Variants in PC observed in about 807,000 individuals in gnomAD.
PC encodes the protein pyruvate carboxylase.
In PC, 46 loss-of-function variants were observed where a neutral mutation model predicts 107.8. The ratio of observed to expected loss-of-function variants is 0.43; its 90% confidence interval spans 0.34 to 0.55. The LOEUF is 0.55. Among genes scored for constraint, PC ranks in the 20% least tolerant of loss-of-function variants. PC has a pLI of 0.04. For missense variants in PC, 1,241 were observed against 1,643.1 expected, an observed-to-expected ratio of 0.76 and a Z score of 4.23; for synonymous variants, 662 against 684.7, an observed-to-expected ratio of 0.97 and a Z score of 0.52.
At chr11:66,869,844 A>G (rs1262171150) in intron 9 of PC, among the ~76,000 whole-genome samples, 1 of 152,218 alleles carries the variant, frequency 6.6e-6, no homozygotes, top group Non-Finnish European at 1.5e-5. Context: ...GGTCCCAGAA[A>G]AGCAGAGATG....
At chr11:66,899,149 G>C (rs1947863331) in intron 3 of PC, among the ~76,000 whole-genome samples, 1 of 152,012 alleles carries the variant, frequency 6.6e-6, no homozygotes, top group East Asian at 1.9e-4. Flanking sequence ...GGATTACAGG[G>C]GTGAGCCACC....
At position 66,858,155 on chromosome 11, in the gene PC, G is replaced by C. The variant is rs138102608; in HGVS notation, c.1369-4772C>G. 94 of 1,610,614 alleles carry C rather than the reference G, an allele frequency of 5.8e-5. 4 individuals carry two copies. The Admixed American group carries it at 1.4e-3, about 24-fold the overall frequency. On this transcript the variant is annotated intron_variant, in intron 12 of 22. Transcript: ENST00000393960. The surrounding 1 kb of genome is among the most constrained non-coding windows in gnomAD (Gnocchi z 5.9). ...GCAACCAGCTGGGCCGCATCGCGCC[G>C]GGAGCCTTCGACGACTTCCTAGAGA...
Position 66,871,768 on chromosome 11 carries a change from T to C in PC, c.240A>G (p.Ala80=). The C allele has an allele frequency of 6.2e-7, 1 of 1,600,934 alleles. No homozygotes were observed. The highest frequency in any genetic ancestry group is 8.5e-7 in the Non-Finnish European group (1 of 1,174,620). The change falls in exon 5 of 23, where the codon GCA becomes GCG. Residue 80 remains alanine, a synonymous_variant. Transcript: ENST00000393960. This position sits in a 1 kb window ranked among gnomAD's most constrained non-coding sequence, Gnocchi z 7.4. The stretch of plus-strand genomic sequence containing the variant: ...CGCGGCCGATGAGATAGGCTTCATC[T>C]GCTTTCTGCCGGTGCATCTGGCCCG... ...QDTGQMHRQK[A]DEAYLIGRGL...
At chr11:66,934,494 T>C (rs1591300937) in intron 3 of PC, 2 of 154,194 alleles carry the variant, frequency 1.3e-5, no homozygotes, top group East Asian at 3.9e-4. Context: ...GCCCTCATTT[T>C]ATAGATGAGG....
intron 3 of PC, among the ~76,000 whole-genome samples, chr11:66,877,386 A>AAAAAT (rs1555030529): frequency 6.6e-6 from 1 of 152,128 alleles, no homozygotes; most frequent in Non-Finnish European, 1.5e-5. Context: ...ACTCCATCTC[A>AAAAAT]AAAACAAAAC....
At chr11:66,951,901 GA>G (rs961475924) in intron 3 of PC, among the ~76,000 whole-genome samples, 18 of 144,436 alleles carry the variant, frequency 1.2e-4, no homozygotes, top group African/African-American at 2.3e-4. Flanking sequence ...AAAAAAAAAA[GA>G]AAAAAAAAAA....
chr11:66,852,400 G>A lies in PC; in HGVS notation c.1825+39C>T, dbSNP rs73489731. 250 of 1,521,742 alleles carry A rather than the reference G, an allele frequency of 1.6e-4. No homozygotes were observed. The African/African-American group carries it at 2.4e-3, about 15-fold the overall frequency. The allele number at this position is 1,521,742 out of a possible 1,614,324, so 94.3% of individuals were successfully genotyped here. The stretch of plus-strand genomic sequence containing the variant: ...CTGTGGGACTGGCCACAGAGCGGGC[G>A]CCCATTCCTACCAGGCGCTGCGCAG... On this transcript the variant is annotated intron_variant, in intron 15 of 22. Coordinates refer to ENST00000393960, the MANE Select transcript of PC (RefSeq NM_001040716.2). The surrounding 1 kb of genome is among the most constrained non-coding windows in gnomAD (Gnocchi z 4.7).
Position 66,870,150 on chromosome 11 carries a change from C to A in PC, c.903+152G>T. The A allele has an allele frequency of 1.0e-6, 1 of 954,644 alleles. No individual in the cohort carries two copies. Among genetic ancestry groups the A allele is most frequent in the South Asian group, 1.4e-5 (1 of 70,684 alleles). The allele number at this position is 954,644 out of a possible 1,614,324, so 59.1% of individuals were successfully genotyped here. ...TGGGAAGGATGCCACAAACCCACTT[C>A]TGGCCCCCAGGAGAGTCCTTCACCC... is the stretch of plus-strand genomic sequence containing the variant. On this transcript the variant is annotated intron_variant, in intron 9 of 22. Transcript: ENST00000393960. The surrounding 1 kb of genome is among the most constrained non-coding windows in gnomAD (Gnocchi z 6.1).
In PC at chr11:66,871,938, GC is replaced by G; in HGVS notation, c.137-68del. ...GGAGAAGCAGAAAGGGGAGTGGGAA[GC>G]CAGGGCCTGGGGCAGTGAGTGGGAG... On this transcript the variant is annotated intron_variant, in intron 4 of 22. Coordinates refer to ENST00000393960, the MANE Select transcript of PC (RefSeq NM_001040716.2). This position sits in a 1 kb window ranked among gnomAD's most constrained non-coding sequence, Gnocchi z 7.4. 6.3e-7 allele frequency: 1 copy of G among 1,575,028 alleles called. No individual in the cohort carries two copies. Among genetic ancestry groups the G allele is most frequent in the Non-Finnish European group, 8.6e-7 (1 of 1,161,280 alleles).
At chr11:66,958,059 T>TCGGGGGCTGCAGC (rs1441721298) in intron 1 of PC, 1 of 145,604 alleles carries the variant, frequency 6.9e-6, no homozygotes, top group East Asian at 2.1e-4. Flanking sequence ...GGAGGGGCGC[T>TCGGGGGCTGCAGC]CGGGGGCTGC....
rs186079181 is a variant in PC, at chr11:66,893,715, C to T, written c.1-21556G>A. Among the ~76,000 whole-genome samples, 359 of 152,212 alleles carry T rather than the reference C, an allele frequency of 2.4e-3. 3 individuals are homozygous for T. The highest frequency in any genetic ancestry group is 1.5e-3 in the Non-Finnish European group (101 of 68,000). On this transcript the variant is annotated intron_variant, in intron 3 of 22. Coordinates refer to ENST00000393960, the MANE Select transcript of PC (RefSeq NM_001040716.2). ...CAACACAGGCACTTGGAGGTTGAAGCGTGGGGGTGTAAAATCACGCTTTTT... is the reference window on the plus strand; with the variant it reads ...CAACACAGGCACTTGGAGGTTGAAGTGTGGGGGTGTAAAATCACGCTTTTT...
At chr11:66,849,170 AC>A in intron 22 of PC, 23 bp from the exon 23 acceptor site, 1 of 1,613,630 alleles carries the variant, frequency 6.2e-7, no homozygotes, top group Non-Finnish European at 8.5e-7. Context: ...GGCAGAGGGG[AC>A]ATGACATCCT....
intron 3 of PC, among the ~76,000 whole-genome samples, chr11:66,931,392 A>G (rs1199869888): frequency 8.7e-6 from 1 of 114,532 alleles, no homozygotes; most frequent in African/African-American, 3.3e-5. Flanking sequence ...AAGAAAAAAA[A>G]AAAAAAAAAA....
chr11:66,882,241 A>G (rs1947211035), intron 3 of PC, among the ~76,000 whole-genome samples: 1 of 152,264 alleles, frequency 6.6e-6, no homozygotes, highest in South Asian at 2.1e-4. Context: ...TTTGTTCCAG[A>G]CAACAACGTG....
At chr11:66,929,457 C>T (rs1948793621) in intron 3 of PC, among the ~76,000 whole-genome samples, 1 of 152,174 alleles carries the variant, frequency 6.6e-6, no homozygotes, top group Non-Finnish European at 1.5e-5. Flanking sequence ...ACTTCTCTCT[C>T]CCAGGTTCAA....
intron 3 of PC, among the ~76,000 whole-genome samples, chr11:66,915,680 G>A (rs963197387): frequency 2.0e-5 from 3 of 152,186 alleles, no homozygotes; most frequent in Non-Finnish European, 4.4e-5. Flanking sequence ...GAGCTACCAG[G>A]GGAGGGACCA....
chr11:66,872,761 C>T (rs1173564379), intron 3 of PC, among the ~76,000 whole-genome samples: 18 of 151,872 alleles, frequency 1.2e-4, no homozygotes, highest in Admixed American at 9.8e-4. Flanking sequence ...TCAGGTTGGG[C>T]GCGGTGGCTC....
intron 12 of PC, among the ~76,000 whole-genome samples, chr11:66,862,608 A>C (rs1424019016): frequency 6.6e-6 from 1 of 152,208 alleles, no homozygotes; most frequent in Non-Finnish European, 1.5e-5. Context: ...CTGAGGGCCA[A>C]AGCCCCTGTC....
chr11:66,872,006 G>A lies in PC; in HGVS notation c.136+18C>T, dbSNP rs773874996. 45 of 1,557,022 alleles carry A rather than the reference G, an allele frequency of 2.9e-5. No individual in the cohort carries two copies. Among genetic ancestry groups the A allele is most frequent in the Admixed American group, 9.7e-5 (5 of 51,584 alleles). On this transcript the variant is annotated intron_variant, in intron 4 of 22. Coordinates refer to ENST00000393960, the MANE Select transcript of PC (RefSeq NM_001040716.2). ...GGGCGGCCATGAGGCTCCTCTCACC[G>A]GCCCCACTGGTGCTCACCTCTGTTG...
Sources: allele counts gnomAD v4.1 joint callset (sites outside exome capture counted in the v4.1 genomes callset), GRCh38; gene constraint gnomAD v4.1.1; non-coding constraint Gnocchi (gnomAD v3.1); transcripts MANE v1.5; gene names NCBI Gene and HGNC (gene_info 2026-07-23, HGNC 2026-07-21).